Variants in CHSY3 observed in about 807,000 individuals in gnomAD.
CHSY3 encodes N-acetylgalactosaminyl-proteoglycan 3-beta-glucuronosyltransferase 3.
Under a neutral mutation model 67.2 loss-of-function variants are expected in CHSY3, and 35 were observed. The ratio of observed to expected loss-of-function variants is 0.52; its 90% CI spans 0.40 to 0.69. The LOEUF (loss-of-function observed/expected upper bound fraction) is 0.69. Among genes scored for constraint, CHSY3 ranks in the 30% least tolerant of loss-of-function variants. CHSY3 has a pLI of 0.00. For synonymous variants in CHSY3, 474 were observed against 434.7 expected (o/e 1.09, Z -1.12); for missense variants, 1,069 against 1,138.5 (o/e 0.94, Z 0.88).
At chr5:130,015,258 T>C (rs1413034432) in intron 2 of CHSY3, among the ~76,000 whole-genome samples, 2 of 152,184 alleles carry the variant, frequency 1.3e-5, no homozygotes, top group African/African-American at 4.8e-5. Flanking sequence ...CTGAGGCCTC[T>C]CAGCCATGCC....
At chr5:130,013,016 C>A (rs962946760) in intron 2 of CHSY3, among the ~76,000 whole-genome samples, 1 of 151,550 alleles carries the variant, frequency 6.6e-6, no homozygotes, top group Non-Finnish European at 1.5e-5. Flanking sequence ...GGTAAATGCA[C>A]CCATTCCAAA....
chr5:129,961,614 C>A (rs1402789787), intron 2 of CHSY3, among the ~76,000 whole-genome samples: 1 of 151,904 alleles, frequency 6.6e-6, no homozygotes, highest in African/African-American at 2.4e-5. Context: ...CCTCAGATAA[C>A]CCCTTCTCTG....
intron 2 of CHSY3, among the ~76,000 whole-genome samples, chr5:129,939,021 A>G (rs959936560): frequency 6.6e-6 from 1 of 152,170 alleles, no homozygotes; most frequent in Non-Finnish European, 1.5e-5. Context: ...TATGAAGAAA[A>G]GAGGTTTTAT....
At chr5:130,104,562 C>T (rs1767354794) in intron 2 of CHSY3, among the ~76,000 whole-genome samples, 1 of 151,546 alleles carries the variant, frequency 6.6e-6, no homozygotes, top group Admixed American at 6.6e-5. Context: ...GGTCTCATAA[C>T]GTATTAGGTA....
chr5:130,018,460 A>G (rs921214738), intron 2 of CHSY3, among the ~76,000 whole-genome samples: 3 of 152,198 alleles, frequency 2.0e-5, no homozygotes, highest in Non-Finnish European at 4.4e-5. Context: ...AACTAAGACA[A>G]TAAATACTTT....
At position 130,185,564 on chromosome 5, in the gene CHSY3, G is replaced by A. The variant is rs756433467; in HGVS notation, c.2422G>A (p.Val808Ile). The change falls in exon 3 of 3, where the codon GTA (valine) becomes ATA (isoleucine). Residue 808 changes from valine to isoleucine, a missense_variant. Around this residue, in one of 5 missense-constraint regions of CHSY3, gnomAD observed 139 missense variants for 152.8 expected, o/e 0.91. Coordinates refer to ENST00000305031, the MANE Select transcript of CHSY3 (RefSeq NM_175856.5). ...AATACAAGGCTGGGGACTAGAAGAT[G>A]TAGATCTCTACAATAAAGTCATTCT... is the stretch of plus-strand genomic sequence containing the variant. The part of the protein sequence containing the change: ...TSIQGWGLED[V>I]DLYNKVILSG... 1.9e-6 allele frequency: 3 copies of A among 1,614,122 alleles called. No individual in the cohort carries two copies. Among genetic ancestry groups the A allele is most frequent in the East Asian group, 4.5e-5 (2 of 44,876 alleles).
chr5:129,948,491 G>A (rs1761930296), intron 2 of CHSY3, among the ~76,000 whole-genome samples: 2 of 152,140 alleles, frequency 1.3e-5, no homozygotes, highest in African/African-American at 4.8e-5. Flanking sequence ...ATTCCATCCA[G>A]GTCACTGTTA....
chr5:129,929,293 C>A (rs182288491), intron 2 of CHSY3, among the ~76,000 whole-genome samples: 2 of 152,280 alleles, frequency 1.3e-5, no homozygotes, highest in Admixed American at 1.3e-4. Flanking sequence ...TTCTTCTAGT[C>A]CTTAGCATGT....
At chr5:130,098,064 G>T (rs1303508337) in intron 2 of CHSY3, among the ~76,000 whole-genome samples, 1 of 151,912 alleles carries the variant, frequency 6.6e-6, no homozygotes, top group Non-Finnish European at 1.5e-5. Flanking sequence ...CCATTACTCA[G>T]TTTTTTTCCA....
intron 2 of CHSY3, among the ~76,000 whole-genome samples, chr5:129,931,777 A>G (rs1312118997): frequency 6.6e-6 from 1 of 152,030 alleles, no homozygotes; most frequent in African/African-American, 2.4e-5. Context: ...AGGGAGGGGG[A>G]AAACTGTTTC....
intron 2 of CHSY3, among the ~76,000 whole-genome samples, chr5:130,181,057 A>C (rs957311118): frequency 6.6e-6 from 1 of 152,128 alleles, no homozygotes; most frequent in Non-Finnish European, 1.5e-5. Flanking sequence ...AGAGGCTCTC[A>C]GATAATCTTT....
chr5:130,121,439 G>A (rs923639608), intron 2 of CHSY3, among the ~76,000 whole-genome samples: 1 of 152,038 alleles, frequency 6.6e-6, no homozygotes, highest in Non-Finnish European at 1.5e-5. Context: ...TTTTTCCATA[G>A]GTAAACATTT....
chr5:130,115,510 A>T (rs1362551159), intron 2 of CHSY3, among the ~76,000 whole-genome samples: 1 of 152,178 alleles, frequency 6.6e-6, no homozygotes, highest in Non-Finnish European at 1.5e-5. Flanking sequence ...CTTGCTGAAG[A>T]TGAATGCTGT....
intron 2 of CHSY3, among the ~76,000 whole-genome samples, chr5:130,090,024 A>G (rs1371467984): frequency 2.0e-5 from 3 of 152,140 alleles, no homozygotes; most frequent in Non-Finnish European, 4.4e-5. Flanking sequence ...TCTTTCCTTC[A>G]TGCTCCTAGC....
rs548377414 is a variant in CHSY3 at position 130,020,375 on chromosome 5, G to A, written c.1086+112015G>A. Among the ~76,000 whole-genome samples the A allele has an allele frequency of 1.3e-3, 195 of 147,918 alleles. 1 individual carries two copies. The highest frequency in any genetic ancestry group is 4.8e-3 in the African/African-American group (193 of 39,928). On this transcript the variant is annotated intron_variant, in intron 2 of 2. Coordinates refer to ENST00000305031, the MANE Select transcript of CHSY3 (RefSeq NM_175856.5). ...GCAGAGGTTGTAGTGAGCTGAGATC[G>A]TGCCACTGCACTCCAACCTGGGCAA...
At chr5:129,945,487 CA>C (rs1761824596) in intron 2 of CHSY3, among the ~76,000 whole-genome samples, 1 of 147,660 alleles carries the variant, frequency 6.8e-6, no homozygotes, top group South Asian at 2.2e-4. Context: ...TAATATAAAA[CA>C]AAAGAAATTA....
At chr5:130,141,449 AC>A in intron 2 of CHSY3, 1 of 354,256 alleles carries the variant, frequency 2.8e-6, no homozygotes, top group East Asian at 6.9e-5. Context: ...GATTTAAGTC[AC>A]TTTTGATATT....
At chr5:129,976,433 T>C (rs563476291) in intron 2 of CHSY3, among the ~76,000 whole-genome samples, 1 of 152,280 alleles carries the variant, frequency 6.6e-6, no homozygotes, top group South Asian at 2.1e-4. Context: ...CTTGGTTTCA[T>C]AGATAATATC....
chr5:130,153,020 CAGG>C (rs1017425268), intron 2 of CHSY3, among the ~76,000 whole-genome samples: 2 of 152,144 alleles, frequency 1.3e-5, no homozygotes, highest in African/African-American at 2.4e-5. Context: ...CACTTGAAAT[CAGG>C]AGTTCGAGAC....
Sources: allele counts gnomAD v4.1 joint callset (sites outside exome capture counted in the v4.1 genomes callset), GRCh38; gene constraint gnomAD v4.1.1; regional missense constraint gnomAD v4.1.1; transcripts MANE v1.5; gene names NCBI Gene and HGNC (gene_info 2026-07-23, HGNC 2026-07-21).